The following MYOM2 variants were observed in gnomAD, a reference collection of about 807,000 sequenced individuals.
MYOM2 encodes the protein myomesin 2, also known as myomesin-2.
A neutral mutation model predicts 187.6 loss-of-function variants in MYOM2; 254 were observed. That is an observed-to-expected ratio of 1.35 (90% CI 1.22 to 1.50). MYOM2 has a LOEUF of 1.50. Among genes scored for constraint, MYOM2 ranks in the 40% most tolerant of loss-of-function variants. The probability of loss-of-function intolerance (pLI) is 0.00; values close to 1 mark genes in which losing one functional copy is unlikely to be tolerated. For missense variants in MYOM2, 2,796 were observed against 1,924.0 expected, an observed-to-expected ratio of 1.45 and a Z score of -8.48; for synonymous variants, 981 against 753.8, an observed-to-expected ratio of 1.30 and a Z score of -4.94.
intron 31 of MYOM2, among the ~76,000 whole-genome samples, chr8:2,128,610 T>G (rs1047203902): frequency 3.9e-5 from 6 of 152,202 alleles, no homozygotes; most frequent in African/African-American, 1.4e-4. Context: ...GTGTTCTCGT[T>G]TATTGCATTT....
At chr8:2,060,270 C>T (rs772097916) in intron 6 of MYOM2, among the ~76,000 whole-genome samples, 4 of 152,244 alleles carry the variant, frequency 2.6e-5, no homozygotes, top group East Asian at 1.9e-4. Context: ...GCCAGAAGGC[C>T]ACATTTACCA....
In MYOM2 at chr8:2,049,666, A is replaced by T. The variant is rs186165731; in HGVS notation, c.-12-1089A>T. On this transcript the variant is annotated intron_variant, in intron 1 of 36. Coordinates refer to ENST00000262113, the MANE Select transcript of MYOM2 (RefSeq NM_003970.4). ...ATCCTCGTCATTTAAACAGAAAAGT[A>T]AAAAATGGAGCTCAGGTTGTGAGTC... 2.5e-4 allele frequency among the ~76,000 whole-genome samples: 38 copies of T among 152,326 alleles called. No homozygotes were observed. In the East Asian group the frequency reaches 6.2e-3, roughly 25 times the overall value.
In MYOM2 at chr8:2,106,574, C is replaced by T. The variant is rs1796901238; in HGVS notation, c.2975C>T (p.Ser992Phe). ...GTAAGTGATACAGACGGAGTGTCCTCCAGTTTTGTTCTGGACCCAGAAGGT... is the reference window on the plus strand; with the variant it reads ...GTAAGTGATACAGACGGAGTGTCCTTCAGTTTTGTTCTGGACCCAGAAGGT... ...VSVSDTDGVS[S>F]SFVLDPEELE... The change falls in exon 23 of 37, where the codon TCC becomes TTC. Residue 992 changes from serine (S) to phenylalanine (F), a missense_variant. Ser to Phe is a radical substitution (Grantham distance 155). Transcript: ENST00000262113. The T allele has an allele frequency of 6.2e-7, 1 of 1,607,658 alleles. No homozygotes were observed. Among genetic ancestry groups the T allele is most frequent in the Non-Finnish European group, 8.5e-7 (1 of 1,174,628 alleles).
chr8:2,073,002 G>A (rs1375526543), intron 9 of MYOM2, among the ~76,000 whole-genome samples: 3 of 152,194 alleles, frequency 2.0e-5, no homozygotes, highest in African/African-American at 7.2e-5. Flanking sequence ...CCCCACGGGC[G>A]GGGGGAAGCC....
intron 31 of MYOM2, 21 bp from the exon 32 acceptor site, chr8:2,129,106 A>T: frequency 6.4e-7 from 1 of 1,567,658 alleles, no homozygotes; most frequent in Middle Eastern, 1.7e-4. Flanking sequence ...CCTAGATCTG[A>T]GGATGTTTTA....
At chr8:2,048,665 C>T (rs925854639) in intron 1 of MYOM2, among the ~76,000 whole-genome samples, 1 of 152,184 alleles carries the variant, frequency 6.6e-6, no homozygotes, top group Non-Finnish European at 1.5e-5. Flanking sequence ...AGAATTCGAT[C>T]CCAGGTCTAC....
At chr8:2,114,448 G>A (rs906356235) in intron 25 of MYOM2, among the ~76,000 whole-genome samples, 65 of 152,088 alleles carry the variant, frequency 4.3e-4, no homozygotes, top group African/African-American at 1.4e-3. Context: ...TGGTTTGGTT[G>A]TATGCATTAT....
intron 28 of MYOM2, among the ~76,000 whole-genome samples, chr8:2,122,291 C>T (rs1797483861): frequency 6.6e-6 from 1 of 152,226 alleles, no homozygotes; most frequent in Non-Finnish European, 1.5e-5. Flanking sequence ...GAAGACACTA[C>T]TTTGCAGCTC....
At chr8:2,055,414 G>C (rs1363345005) in intron 3 of MYOM2, among the ~76,000 whole-genome samples, 1 of 152,164 alleles carries the variant, frequency 6.6e-6, no homozygotes, top group Non-Finnish European at 1.5e-5. Context: ...CCCATTAGAG[G>C]TTGGGAGGAA....
At chr8:2,117,551 A>G (rs1405398901) in intron 27 of MYOM2, among the ~76,000 whole-genome samples, 2 of 152,172 alleles carry the variant, frequency 1.3e-5, no homozygotes, top group African/African-American at 4.8e-5. Flanking sequence ...ACAAAATATA[A>G]TTATTTCAAT....
chr8:2,094,466 A>G (rs1796414309), intron 17 of MYOM2, among the ~76,000 whole-genome samples: 1 of 152,172 alleles, frequency 6.6e-6, no homozygotes, highest in Non-Finnish European at 1.5e-5. Context: ...ATCCTGGCCA[A>G]CAAGGTGAAA....
At chr8:2,068,347 CT>C (rs1167673560) in intron 6 of MYOM2, among the ~76,000 whole-genome samples, 1 of 149,624 alleles carries the variant, frequency 6.7e-6, no homozygotes, top group African/African-American at 2.5e-5. Flanking sequence ...GGGGGCAGCT[CT>C]TCAATGCCCG....
Position 2,100,854 on chromosome 8 carries a change from A to G in MYOM2, c.2441-22A>G, listed in dbSNP as rs762781811. 4 of 1,613,528 alleles carry G rather than the reference A, an allele frequency of 2.5e-6. No individual in the cohort carries two copies. In the Admixed American group the frequency reaches 5.0e-5, roughly 20 times the overall value. On this transcript the variant is annotated intron_variant, in intron 19 of 36. Coordinates refer to ENST00000262113, the MANE Select transcript of MYOM2 (RefSeq NM_003970.4). ...CTGGACTGGCTATGCGCGCAGAAAC[A>G]AGGTGGCATCTGACTTCACAGGTCC...
chr8:2,077,145 A>C (rs565784240), intron 11 of MYOM2, among the ~76,000 whole-genome samples: 11 of 152,226 alleles, frequency 7.2e-5, no homozygotes, highest in African/African-American at 2.2e-4. Flanking sequence ...CCCTGTCTCT[A>C]CTAAAAATAC....
chr8:2,091,016 C>CTTTTTTTTTTTTT (rs35873643), intron 15 of MYOM2, among the ~76,000 whole-genome samples: 42 of 86,476 alleles, frequency 4.9e-4, no homozygotes, highest in South Asian at 1.5e-3. Context: ...AATGATAGTT[C>CTTTTTTTTTTTTT]TTTTTTTTTT....
chr8:2,106,390 G>T lies in MYOM2; in HGVS notation c.2883G>T (p.Val961=), dbSNP rs150184470. The change falls in exon 22 of 37, where the codon GTG becomes GTT. Residue 961 remains valine, a synonymous_variant. Coordinates refer to ENST00000262113, the MANE Select transcript of MYOM2 (RefSeq NM_003970.4). ...ATGAGAGGTTTAAAATTGAAACCGT[G>T]GGGGATCAGTAAGTGAGGCCTGGAA... ...SDDERFKIET[V]GDHSKLYLKN... is the part of the protein sequence containing the mutation. 2 of 1,613,832 alleles carry T rather than the reference G, an allele frequency of 1.2e-6. No individual in the cohort carries two copies. The highest frequency in any genetic ancestry group is 1.1e-5 in the South Asian group (1 of 91,050).
intron 21 of MYOM2, among the ~76,000 whole-genome samples, chr8:2,103,228 G>A (rs1395928655): frequency 6.6e-6 from 1 of 150,714 alleles, no homozygotes; most frequent in African/African-American, 2.4e-5. Context: ...TGTTTTATGT[G>A]TATATGTGTA....
intron 24 of MYOM2, 46 bp from the exon 25 acceptor site, chr8:2,109,349 C>A: frequency 6.5e-7 from 1 of 1,541,338 alleles, no homozygotes; most frequent in Non-Finnish European, 8.7e-7. Context: ...TTCTTCCTCA[C>A]AAGGATTCAT....
chr8:2,057,888 A>G (rs1818723987), intron 5 of MYOM2, 108 bp downstream of exon 5: 4 of 1,139,968 alleles, frequency 3.5e-6, no homozygotes, highest in Non-Finnish European at 3.7e-6. Context: ...GAGGCCACTT[A>G]CCTTGAAACT....
Sources: gnomAD v4.1 joint callset for allele counts (sites outside exome capture counted in the v4.1 genomes callset) on GRCh38, gnomAD v4.1.1 for gene constraint, MANE v1.5 for transcripts, NCBI Gene and HGNC (gene_info 2026-07-23, HGNC 2026-07-21) for gene names.